Variants in CNTN4 observed in about 807,000 individuals in gnomAD.
CNTN4 encodes the protein contactin 4.
CNTN4 carries 77 observed loss-of-function variants against 122.5 expected under a neutral mutation model. That is an observed-to-expected ratio of 0.63 (90% CI 0.52 to 0.76). The LOEUF is 0.76. Ranked by LOEUF, CNTN4 falls within the 30% of genes least tolerant of loss-of-function variation. The probability of loss-of-function intolerance (pLI) is 0.00; values close to 1 mark genes in which losing one functional copy is unlikely to be tolerated. For missense variants in CNTN4, 1,256 were observed against 1,259.1 expected (o/e 1.00, Z 0.04); for synonymous variants, 512 against 447.0 (o/e 1.15, Z -1.83).
chr3:2,817,640 C>G (rs1008229190), intron 6 of CNTN4, among the ~76,000 whole-genome samples: 1 of 152,170 alleles, frequency 6.6e-6, no homozygotes, highest in Non-Finnish European at 1.5e-5. Context: ...TACTATTTCT[C>G]TAATCAGAAA....
chr3:2,625,211 G>A (rs2082137229), intron 4 of CNTN4, among the ~76,000 whole-genome samples: 1 of 152,100 alleles, frequency 6.6e-6, no homozygotes, highest in East Asian at 1.9e-4. Flanking sequence ...AAAAGGTAGT[G>A]GGTCTCTAAA....
intron 2 of CNTN4, among the ~76,000 whole-genome samples, chr3:2,302,763 T>C (rs1053462052): frequency 1.3e-5 from 2 of 152,210 alleles, no homozygotes; most frequent in Non-Finnish European, 2.9e-5. Flanking sequence ...TTGTCCCATG[T>C]GGAAGAACAT....
At position 2,403,785 on chromosome 3, in the gene CNTN4, G is replaced by T. The variant is rs569463821; in HGVS notation, c.-89+64552G>T. ...AAGATGTCAAACTTCAGGTGTAGAG[G>T]TGATGAAATGCCAAAAGTCACCTGG... On this transcript the variant is annotated intron_variant, in intron 3 of 24. Coordinates refer to ENST00000418658, the MANE Select transcript of CNTN4 (RefSeq NM_175607.3). Among the ~76,000 whole-genome samples the T allele has an allele frequency of 3.3e-5, 5 of 152,218 alleles. No homozygotes were observed. In the East Asian group the frequency reaches 5.8e-4, roughly 18 times the overall value.
At chr3:3,055,306 T>C (rs995688666) in intron 24 of CNTN4, among the ~76,000 whole-genome samples, 3 of 152,240 alleles carry the variant, frequency 2.0e-5, no homozygotes, top group African/African-American at 7.2e-5. Context: ...TCATACTTTC[T>C]TATCATTGCA....
chr3:2,392,224 C>T (rs528860236), intron 3 of CNTN4, among the ~76,000 whole-genome samples: 1 of 152,300 alleles, frequency 6.6e-6, no homozygotes, highest in East Asian at 1.9e-4. Flanking sequence ...TTCACGTCAT[C>T]CCCTGTGAGG....
At chr3:2,178,211 CA>C (rs1238405161) in intron 2 of CNTN4, among the ~76,000 whole-genome samples, 12 of 152,020 alleles carry the variant, frequency 7.9e-5, no homozygotes, top group Non-Finnish European at 1.8e-4. Flanking sequence ...AGAGCTGTAA[CA>C]CATATGTCTT....
intron 4 of CNTN4, among the ~76,000 whole-genome samples, chr3:2,631,790 A>T (rs1298559734): frequency 6.6e-6 from 1 of 150,620 alleles, no homozygotes; most frequent in Non-Finnish European, 1.5e-5. Context: ...GAGCTTCAGA[A>T]GGCCAAGATG....
intron 4 of CNTN4, among the ~76,000 whole-genome samples, chr3:2,640,810 CAG>C (rs2082867174): frequency 1.3e-5 from 2 of 152,180 alleles, no homozygotes; most frequent in Non-Finnish European, 1.5e-5. Context: ...ACTTTGGAAC[CAG>C]AGAGTCCCTT....
intron 7 of CNTN4, among the ~76,000 whole-genome samples, chr3:2,848,261 A>T (rs537967404): frequency 6.6e-6 from 1 of 152,280 alleles, no homozygotes; most frequent in African/African-American, 2.4e-5. Flanking sequence ...AAATGTTAGC[A>T]TAGGCTTTTA....
intron 2 of CNTN4, among the ~76,000 whole-genome samples, chr3:2,172,127 C>G (rs945482832): frequency 3.3e-5 from 5 of 151,928 alleles, no homozygotes; most frequent in Admixed American, 1.3e-4. Context: ...TTGAGTATAT[C>G]AGAATTTATT....
At position 2,659,482 on chromosome 3, in the gene CNTN4, AG is replaced by A. The variant is rs1375797006; in HGVS notation, c.56-76732del. ...TCTCAAAAAAAAAAAAAAAAAAAAA[AG>A]AAGAAGAAGAAGAAGAAAAAGAAGG... On this transcript the variant is annotated intron_variant, in intron 4 of 24. Coordinates refer to ENST00000418658, the MANE Select transcript of CNTN4 (RefSeq NM_175607.3). Among the ~76,000 whole-genome samples, 703 of 127,048 alleles carry A rather than the reference AG, an allele frequency of 5.5e-3. 6 individuals carry two copies. The highest frequency in any genetic ancestry group is 0.02 in the African/African-American group (666 of 32,924). The allele number at this position is 127,048 out of a possible 152,430, so 83.3% of individuals were successfully genotyped here.
intron 2 of CNTN4, among the ~76,000 whole-genome samples, chr3:2,135,578 G>A (rs527836516): frequency 3.2e-4 from 48 of 152,222 alleles, no homozygotes; most frequent in Non-Finnish European, 4.3e-4. Context: ...AGTAATCAGC[G>A]CATATTTGTT....
At chr3:2,716,923 C>G (rs911000772) in intron 4 of CNTN4, among the ~76,000 whole-genome samples, 4 of 152,150 alleles carry the variant, frequency 2.6e-5, no homozygotes, top group African/African-American at 7.2e-5. Flanking sequence ...ATAATATTTT[C>G]AAGATTCATC....
At chr3:2,562,704 T>A (rs887899554) in intron 3 of CNTN4, among the ~76,000 whole-genome samples, 8 of 150,860 alleles carry the variant, frequency 5.3e-5, no homozygotes, top group South Asian at 2.1e-4. Context: ...TTTTTTTTTT[T>A]AATTATTTCT....
chr3:2,185,261 A>G (rs564147112), intron 2 of CNTN4, among the ~76,000 whole-genome samples: 3 of 152,170 alleles, frequency 2.0e-5, no homozygotes, highest in Non-Finnish European at 4.4e-5. Flanking sequence ...TCTTTGGGGC[A>G]GAAATGGGGA....
At chr3:2,361,185 C>T (rs1366451682) in intron 3 of CNTN4, among the ~76,000 whole-genome samples, 1 of 152,150 alleles carries the variant, frequency 6.6e-6, no homozygotes, top group Non-Finnish European at 1.5e-5. Flanking sequence ...CTCTGTATCT[C>T]CTTCCTAGAA....
chr3:2,535,382 T>A (rs1443914843), intron 3 of CNTN4, among the ~76,000 whole-genome samples: 2 of 152,178 alleles, frequency 1.3e-5, no homozygotes, highest in Non-Finnish European at 2.9e-5. Context: ...AGTTTCAGTT[T>A]TCAATTCTCT....
chr3:2,670,914 T>C (rs986326673), intron 4 of CNTN4, among the ~76,000 whole-genome samples: 2 of 152,232 alleles, frequency 1.3e-5, no homozygotes, highest in Non-Finnish European at 2.9e-5. Flanking sequence ...GAATGTTGAA[T>C]ATTGGCCCCC....
chr3:2,118,999 C>T (rs577586216), intron 2 of CNTN4, among the ~76,000 whole-genome samples: 82 of 152,252 alleles, frequency 5.4e-4, no homozygotes, highest in South Asian at 4.6e-3. Context: ...GATATTTGGT[C>T]AAACATGTCT....
Sources: allele counts gnomAD v4.1 joint callset (sites outside exome capture counted in the v4.1 genomes callset), GRCh38; gene constraint gnomAD v4.1.1; transcripts MANE v1.5; gene names NCBI Gene and HGNC (gene_info 2026-07-23, HGNC 2026-07-21).